WIPI1: variants seen among roughly 807,000 people sequenced by gnomAD.
The protein encoded by WIPI1 is WD repeat domain, phosphoinositide interacting 1.
WIPI1 carries 45 observed loss-of-function variants against 55.3 expected under a neutral mutation model. The ratio of observed to expected loss-of-function variants is 0.81; its 90% CI spans 0.64 to 1.04. The LOEUF (loss-of-function observed/expected upper bound fraction) is 1.04, where lower values mean the gene tolerates loss of function less well. Among genes scored for constraint, WIPI1 ranks in the 50% least tolerant of loss-of-function variants. The pLI, the probability that WIPI1 is intolerant of heterozygous loss-of-function variation, is 0.00. For synonymous variants in WIPI1, 195 were observed against 217.6 expected (o/e 0.90, Z 0.92); for missense variants, 445 against 559.0 (o/e 0.80, Z 2.06).
intron 3 of WIPI1, among the ~76,000 whole-genome samples, chr17:68,448,896 G>T (rs2084387786): frequency 6.6e-6 from 1 of 152,128 alleles, no homozygotes; most frequent in Non-Finnish European, 1.5e-5. Flanking sequence ...TGCCAAGAAT[G>T]CAGGTTTCTT....
chr17:68,436,149 G>A (rs1568635838), intron 5 of WIPI1, among the ~76,000 whole-genome samples: 1 of 152,244 alleles, frequency 6.6e-6, no homozygotes, highest in Non-Finnish European at 1.5e-5. Flanking sequence ...CTGCTGGCAA[G>A]TGGTTTTCAT....
chr17:68,433,759 A>AGTT lies in WIPI1; in HGVS notation c.693-187_693-185dup, dbSNP rs1568632868. Among the ~76,000 whole-genome samples the AGTT allele has an allele frequency of 2.2e-4, 19 of 87,114 alleles. 1 individual carries two copies. The highest frequency in any genetic ancestry group is 1.9e-3 in the South Asian group (4 of 2,154). 57.2% of individuals were successfully genotyped at this position (87,114 alleles called of 152,430 possible). On this transcript the variant is annotated intron_variant, in intron 7 of 12. Transcript: ENST00000262139. ...GTCAGAAAGATTCACAAAGGGTCAT[A>AGTT]GTTTTTTTTTTTTTTTTTTTTTTTT...
chr17:68,453,980 T>C (rs1433619277), intron 1 of WIPI1, among the ~76,000 whole-genome samples: 1 of 152,204 alleles, frequency 6.6e-6, no homozygotes, highest in African/African-American at 2.4e-5. Context: ...AACTCTGCTT[T>C]CTACTATATC....
rs556057281 is a variant in WIPI1 at position 68,427,030 on chromosome 17, C to G, written c.1192+105G>C. ...AAGGGGGAAGGGGAGGGAGGGCACT[C>G]CACCCCCAGGTAACAGTGAAGGGGG... is the stretch of plus-strand genomic sequence containing the variant. On this transcript the variant is annotated intron_variant, in intron 11 of 12. Transcript: ENST00000262139. The G allele has an allele frequency of 8.4e-6, 8 of 947,628 alleles. No homozygotes were observed. The African/African-American group carries it at 1.1e-4, about 14-fold the overall frequency. The allele number at this position is 947,628 out of a possible 1,614,324, so 58.7% of individuals were successfully genotyped here.
At chr17:68,456,669 C>T (rs183110796) in intron 1 of WIPI1, among the ~76,000 whole-genome samples, 35 of 152,324 alleles carry the variant, frequency 2.3e-4, no homozygotes, top group African/African-American at 7.5e-4. Flanking sequence ...AAGCAGTCTG[C>T]GCCCGGGAAA....
intron 12 of WIPI1, chr17:68,422,053 G>A: frequency 1.8e-6 from 1 of 566,982 alleles, no homozygotes; most frequent in Non-Finnish European, 3.2e-6. Flanking sequence ...CTGTGTGTGT[G>A]TGTATGTATT....
Position 68,452,865 on chromosome 17 carries a change from C to T in WIPI1, c.163+45G>A, listed in dbSNP as rs758330980. On this transcript the variant is annotated intron_variant, in intron 2 of 12. Coordinates refer to ENST00000262139, the MANE Select transcript of WIPI1 (RefSeq NM_017983.7). ...GCAGATTAAAGCCTAGAAGGAGGCTCTGGTTCTCCTGCAGATCCCTGAGGT... is the reference window on the plus strand; with the variant it reads ...GCAGATTAAAGCCTAGAAGGAGGCTTTGGTTCTCCTGCAGATCCCTGAGGT... 1.9e-6 allele frequency: 3 copies of T among 1,573,754 alleles called. No homozygotes were observed. In the Admixed American group the frequency reaches 5.0e-5, roughly 26 times the overall value.
intron 1 of WIPI1, among the ~76,000 whole-genome samples, chr17:68,456,015 T>A (rs2084637214): frequency 6.6e-6 from 1 of 152,154 alleles, no homozygotes; most frequent in Non-Finnish European, 1.5e-5. Context: ...CATGAGTGGA[T>A]CCTAAAACGC....
At position 68,434,608 on chromosome 17, in the gene WIPI1, A is replaced by G; in HGVS notation, c.640T>C (p.Phe214Leu). The G allele has an allele frequency of 6.2e-7, 1 of 1,614,054 alleles. No individual in the cohort carries two copies. Among genetic ancestry groups the G allele is most frequent in the Non-Finnish European group, 8.5e-7 (1 of 1,179,912 alleles). The change falls in exon 7 of 13, where the codon TTC becomes CTC. Residue 214 changes from phenylalanine to leucine, a missense_variant. Coordinates refer to ENST00000262139, the MANE Select transcript of WIPI1 (RefSeq NM_017983.7). The part of the protein sequence containing the change: ...ASEKGTVIRV[F>L]SVPDGQKLYE... ...AGCTTTTGCCCATCAGGGACAGAGAACACCCGGATGACTGTGCCCTGGAAA... is the reference window on the plus strand; with the variant it reads ...AGCTTTTGCCCATCAGGGACAGAGAGCACCCGGATGACTGTGCCCTGGAAA...
At position 68,434,480 on chromosome 17, in the gene WIPI1, C is replaced by G. The variant is rs1719220362; in HGVS notation, c.692+76G>C. The G allele has an allele frequency of 4.0e-6, 6 of 1,515,950 alleles. No homozygotes were observed. The South Asian group carries it at 7.1e-5, about 18-fold the overall frequency. The allele number at this position is 1,515,950 out of a possible 1,614,324, so 93.9% of individuals were successfully genotyped here. A position where few individuals can be genotyped will look rare whatever the true frequency, so the allele number is the denominator to read the frequency against. ...AGGGCACAGAGCCACTCTCTGTCCT[C>G]TCCCTAGACAGCTGCCAGCGGTCCC... On this transcript the variant is annotated intron_variant, in intron 7 of 12. Coordinates refer to ENST00000262139, the MANE Select transcript of WIPI1 (RefSeq NM_017983.7).
intron 8 of WIPI1, 148 bp from the exon 9 acceptor site, chr17:68,430,308 C>T (rs1416122647): frequency 9.6e-6 from 7 of 730,302 alleles, no homozygotes; most frequent in Admixed American, 6.1e-5. Context: ...TGAGAACAAT[C>T]CAGGACGTAT....
intron 3 of WIPI1, among the ~76,000 whole-genome samples, chr17:68,447,566 G>GACCTAGTAA (rs1030538643): frequency 2.0e-5 from 3 of 151,902 alleles, no homozygotes; most frequent in Non-Finnish European, 4.4e-5. Flanking sequence ...TTATAGTAAA[G>GACCTAGTAA]ACCTAGTAAA....
intron 8 of WIPI1, among the ~76,000 whole-genome samples, chr17:68,431,790 A>AGAGCCATAACTGCTGGGG (rs2083538197): frequency 2.0e-5 from 3 of 150,106 alleles, no homozygotes; most frequent in Non-Finnish European, 2.9e-5. Context: ...GAGAACCCAG[A>AGAGCCATAACTGCTGGGG]ACAGCTTGGA....
Position 68,424,770 on chromosome 17 carries a change from G to A in WIPI1, c.1293+1305C>T, listed in dbSNP as rs2083046783. 2.0e-5 allele frequency among the ~76,000 whole-genome samples: 3 copies of A among 152,134 alleles called. No homozygotes were observed. In the South Asian group the frequency reaches 6.2e-4, roughly 32 times the overall value. On this transcript the variant is annotated intron_variant, in intron 12 of 12. Coordinates refer to ENST00000262139, the MANE Select transcript of WIPI1 (RefSeq NM_017983.7). ...CGCACATCTGTAATTGCAGCTACTC[G>A]GGAGGCTGAGGCAGGAGAATTGCTT...
At chr17:68,430,797 C>T (rs1393992548) in intron 8 of WIPI1, among the ~76,000 whole-genome samples, 2 of 152,142 alleles carry the variant, frequency 1.3e-5, no homozygotes, top group Non-Finnish European at 2.9e-5. Flanking sequence ...CAGCTCTGCC[C>T]CACACAGAGG....
Position 68,434,572 on chromosome 17 carries a change from G to T in WIPI1, c.676C>A (p.Arg226=). The change falls in exon 7 of 13, where the codon CGG becomes AGG. Residue 226 remains arginine (R), a synonymous_variant. Transcript: ENST00000262139. ...AACACAGACCTTTTCATCCCTCTCC[G>T]GAACTCATAGAGCTTTTGCCCATCA... ...VPDGQKLYEF[R]RGMKRYVTIS... 6.2e-7 allele frequency: 1 copy of T among 1,613,948 alleles called. No homozygotes were observed. The highest frequency in any genetic ancestry group is 1.1e-5 in the South Asian group (1 of 91,080).
chr17:68,449,964 T>C (rs576320317), intron 3 of WIPI1, among the ~76,000 whole-genome samples: 1 of 152,292 alleles, frequency 6.6e-6, no homozygotes, highest in Non-Finnish European at 1.5e-5. Flanking sequence ...TGAGCCAAGA[T>C]TGTGCCACTG....
rs141592816 is a variant in WIPI1, at chr17:68,426,241, G to A, written c.1193-66C>T. 6.5e-4 allele frequency: 720 copies of A among 1,107,558 alleles called. 36 individuals carry two copies. In the African/African-American group the frequency reaches 0.011, roughly 16 times the overall value. 68.6% of individuals were successfully genotyped at this position (1,107,558 alleles called of 1,614,324 possible). A position where few individuals can be genotyped will look rare whatever the true frequency, so the allele number is the denominator to read the frequency against. On this transcript the variant is annotated intron_variant, in intron 11 of 12. Transcript: ENST00000262139. ...CTGCTTTTATGCCATGACCTGGCGG[G>A]TGGGGAGCGGGGGCTCAAATAAAGG...
At chr17:68,449,802 C>A (rs925723791) in intron 3 of WIPI1, among the ~76,000 whole-genome samples, 4 of 152,138 alleles carry the variant, frequency 2.6e-5, no homozygotes, top group Non-Finnish European at 1.5e-5. Context: ...TCCGGTAGTT[C>A]TTTAGAGTAA....
Sources: allele counts gnomAD v4.1 joint callset (sites outside exome capture counted in the v4.1 genomes callset), GRCh38; gene constraint gnomAD v4.1.1; transcripts MANE v1.5; gene names NCBI Gene and HGNC (gene_info 2026-07-23, HGNC 2026-07-21).